Variants in CFAP299 observed in about 807,000 individuals in gnomAD.
The protein encoded by CFAP299 is cilia- and flagella-associated protein 299.
In CFAP299, 21 loss-of-function variants were observed where a neutral mutation model predicts 27.0. The observed-to-expected ratio is 0.78, with a 90% confidence interval of 0.55 to 1.12. The LOEUF (loss-of-function observed/expected upper bound fraction) is 1.12. Among genes scored for constraint, CFAP299 ranks in the 50% most tolerant of loss-of-function variants. CFAP299 has a pLI of 0.00. For missense variants in CFAP299, 310 were observed against 276.6 expected (o/e 1.12, Z -0.86); for synonymous variants, 104 against 98.1 (o/e 1.06, Z -0.36).
intron 3 of CFAP299, among the ~76,000 whole-genome samples, chr4:80,736,594 A>C (rs1219189067): frequency 2.0e-5 from 3 of 152,198 alleles, no homozygotes; most frequent in African/African-American, 7.2e-5. Context: ...AGAGAAATGC[A>C]AATCAAAACC....
intron 2 of CFAP299, among the ~76,000 whole-genome samples, chr4:80,502,301 T>C (rs965245376): frequency 1.3e-5 from 2 of 152,100 alleles, no homozygotes; most frequent in African/African-American, 4.8e-5. Flanking sequence ...TTTTATCTTG[T>C]ATTGAAAATC....
intron 2 of CFAP299, among the ~76,000 whole-genome samples, chr4:80,389,074 T>C (rs1336980374): frequency 6.6e-6 from 1 of 152,202 alleles, no homozygotes; most frequent in African/African-American, 2.4e-5. Flanking sequence ...TATTTTTTCT[T>C]CTTTATTAAG....
intron 1 of CFAP299, among the ~76,000 whole-genome samples, chr4:80,337,316 C>G (rs1357689106): frequency 6.6e-6 from 1 of 151,806 alleles, no homozygotes; most frequent in Admixed American, 6.6e-5. Flanking sequence ...TTTTAAGGCA[C>G]AGTTCTTCAT....
chr4:80,958,944 T>G (rs1560493391), intron 5 of CFAP299, among the ~76,000 whole-genome samples: 1 of 152,058 alleles, frequency 6.6e-6, no homozygotes, highest in Non-Finnish European at 1.5e-5. Flanking sequence ...AGCAGCAGAG[T>G]AAAACAGTAC....
intron 2 of CFAP299, among the ~76,000 whole-genome samples, chr4:80,377,545 CT>C (rs35596655): frequency 0.16 from 23,856 of 147,894 alleles, 2,067 homozygotes; most frequent in East Asian, 0.25. Flanking sequence ...AGTCCTCAAA[CT>C]TTTTTTTTTT....
At chr4:80,844,623 T>G (rs1178062168) in intron 3 of CFAP299, among the ~76,000 whole-genome samples, 4 of 152,196 alleles carry the variant, frequency 2.6e-5, no homozygotes, top group Non-Finnish European at 5.9e-5. Flanking sequence ...CTTGTAAATT[T>G]GTTTGAGTTC....
At chr4:80,699,888 C>A (rs891890460) in intron 3 of CFAP299, among the ~76,000 whole-genome samples, 11 of 152,072 alleles carry the variant, frequency 7.2e-5, no homozygotes. Flanking sequence ...TTGTGAATAT[C>A]GTTGAAGCAG....
Position 80,637,327 on chromosome 4 carries a change from A to G in CFAP299, c.333+54144A>G, listed in dbSNP as rs534601222. On this transcript the variant is annotated intron_variant, in intron 3 of 5. Transcript: ENST00000358105. ...TAATATAATGTACAGTAAAAGGAGA[A>G]GTGATAGACATGCAATTTTTTTCCT... 2.7e-4 allele frequency among the ~76,000 whole-genome samples: 41 copies of G among 152,314 alleles called. 1 individual carries two copies. The highest frequency in any genetic ancestry group is 7.4e-5 in the Non-Finnish European group (5 of 68,022).
At chr4:80,872,921 CT>C (rs869188460) in intron 4 of CFAP299, 23,395 of 587,010 alleles carry the variant, frequency 0.04, 9 homozygotes, top group Middle Eastern at 0.061. Flanking sequence ...AGTTCTTCTT[CT>C]TTTTTTTTTT....
chr4:80,957,669 T>C (rs1738135880), intron 5 of CFAP299, among the ~76,000 whole-genome samples: 1 of 152,216 alleles, frequency 6.6e-6, no homozygotes, highest in Non-Finnish European at 1.5e-5. Context: ...ATTATTTGAA[T>C]TATTATCAAA....
the CFAP299 span, among the ~76,000 whole-genome samples, chr4:80,326,558 T>C: frequency 1.3e-5 from 2 of 152,204 alleles, no homozygotes; most frequent in Non-Finnish European, 2.9e-5. Flanking sequence ...GAGCCACTCA[T>C]CAAGATTTTT....
intron 3 of CFAP299, among the ~76,000 whole-genome samples, chr4:80,771,067 G>C (rs1450521068): frequency 6.6e-6 from 1 of 152,108 alleles, no homozygotes; most frequent in Non-Finnish European, 1.5e-5. Flanking sequence ...CCACACTCAA[G>C]GGGAGGGTTA....
chr4:80,902,773 T>C (rs1304098786), intron 4 of CFAP299, among the ~76,000 whole-genome samples: 1 of 151,712 alleles, frequency 6.6e-6, no homozygotes, highest in Non-Finnish European at 1.5e-5. Context: ...TTTAAAGACT[T>C]TGATAAACTA....
At chr4:80,538,072 T>A (rs755643301) in intron 2 of CFAP299, among the ~76,000 whole-genome samples, 8 of 152,130 alleles carry the variant, frequency 5.3e-5, no homozygotes, top group African/African-American at 1.9e-4. Context: ...ATAATGGAGC[T>A]GAAAAATTTG....
At chr4:80,718,428 A>G (rs770701459) in intron 3 of CFAP299, among the ~76,000 whole-genome samples, 16 of 152,140 alleles carry the variant, frequency 1.1e-4, no homozygotes, top group South Asian at 2.1e-4. Flanking sequence ...ATTTTCATCA[A>G]TGCAAACATA....
chr4:80,909,613 T>A (rs1024760141), intron 4 of CFAP299, among the ~76,000 whole-genome samples: 1 of 152,022 alleles, frequency 6.6e-6, no homozygotes, highest in Non-Finnish European at 1.5e-5. Flanking sequence ...GAAAGTTTTC[T>A]TCTACATTTT....
At chr4:80,388,075 TGCA>T in intron 2 of CFAP299, 1 of 688,132 alleles carries the variant, frequency 1.5e-6, no homozygotes, top group South Asian at 1.7e-5. Context: ...CAGCCAGGAG[TGCA>T]GCAGCACTGT....
At chr4:80,562,296 C>T (rs112190575) in intron 2 of CFAP299, among the ~76,000 whole-genome samples, 6,099 of 151,948 alleles carry the variant, frequency 0.04, 361 homozygotes, top group African/African-American at 0.13. Flanking sequence ...TAAGTCCTTA[C>T]GTATCAATAA....
At chr4:80,889,011 CAAAA>C (rs35328435) in intron 4 of CFAP299, among the ~76,000 whole-genome samples, 11 of 52,710 alleles carry the variant, frequency 2.1e-4, no homozygotes, top group Non-Finnish European at 3.6e-4. Flanking sequence ...AGTGCCTAAG[CAAAA>C]AAAAAAAAAA....
Sources: gnomAD v4.1 joint callset for allele counts (sites outside exome capture counted in the v4.1 genomes callset) on GRCh38, gnomAD v4.1.1 for gene constraint, MANE v1.5 for transcripts, NCBI Gene and HGNC (gene_info 2026-07-23, HGNC 2026-07-21) for gene names.